CNTNAP2: variants seen among roughly 807,000 people sequenced by gnomAD.
CNTNAP2 encodes contactin associated protein 2.
A neutral mutation model predicts 155.2 loss-of-function variants in CNTNAP2; 98 were observed. That is an observed-to-expected ratio of 0.63 (90% CI 0.54 to 0.75). CNTNAP2 has a LOEUF of 0.75. Among genes scored for constraint, CNTNAP2 ranks in the 30% least tolerant of loss-of-function variants. The pLI is 0.00. For synonymous variants in CNTNAP2, 651 were observed against 631.2 expected, an observed-to-expected ratio of 1.03 and a Z score of -0.47; for missense variants, 1,727 against 1,688.1, an observed-to-expected ratio of 1.02 and a Z score of -0.40.
At chr7:147,180,069 G>T (rs373922239) in intron 8 of CNTNAP2, among the ~76,000 whole-genome samples, 1 of 152,128 alleles carries the variant, frequency 6.6e-6, no homozygotes, top group Admixed American at 6.5e-5. Flanking sequence ...CCAGGAACAG[G>T]CCTGGAGTAG....
intron 21 of CNTNAP2, among the ~76,000 whole-genome samples, chr7:148,370,898 CT>C (rs1192051424): frequency 2.0e-5 from 3 of 152,184 alleles, no homozygotes; most frequent in African/African-American, 7.2e-5. Flanking sequence ...AGAGTCTTCT[CT>C]TCCCCACATT....
intron 9 of CNTNAP2, among the ~76,000 whole-genome samples, chr7:147,313,667 C>T (rs1388983157): frequency 6.6e-6 from 1 of 152,030 alleles, no homozygotes; most frequent in Non-Finnish European, 1.5e-5. Flanking sequence ...TTACTGTAGC[C>T]TTGTAGTATA....
intron 1 of CNTNAP2, among the ~76,000 whole-genome samples, chr7:146,703,623 G>A (rs1800914491): frequency 6.6e-6 from 1 of 152,112 alleles, no homozygotes; most frequent in African/African-American, 2.4e-5. Flanking sequence ...GGGGCCTGGT[G>A]AGGGCTTGTT....
intron 1 of CNTNAP2, among the ~76,000 whole-genome samples, chr7:146,668,671 A>C (rs1800243466): frequency 6.6e-6 from 1 of 152,024 alleles, no homozygotes; most frequent in Non-Finnish European, 1.5e-5. Flanking sequence ...TGATTCAATC[A>C]TGTTACTTAT....
At chr7:147,570,198 G>A (rs543314188) in intron 12 of CNTNAP2, among the ~76,000 whole-genome samples, 33 of 152,062 alleles carry the variant, frequency 2.2e-4, no homozygotes, top group African/African-American at 6.8e-4. Context: ...AAAGAAGCCC[G>A]GTCCCATTAG....
chr7:147,233,638 T>G (rs1043748404), intron 8 of CNTNAP2, among the ~76,000 whole-genome samples: 2 of 151,318 alleles, frequency 1.3e-5, no homozygotes, highest in Non-Finnish European at 2.9e-5. Context: ...CTGGTCACAC[T>G]CTAAAGAAAT....
chr7:147,628,849 C>G (rs1042372995), intron 12 of CNTNAP2, among the ~76,000 whole-genome samples: 1 of 128,958 alleles, frequency 7.8e-6, no homozygotes, highest in African/African-American at 3.0e-5. Context: ...AAAAAACAGA[C>G]TTTAAAGCCA....
chr7:147,081,636 A>G, intron 4 of CNTNAP2: 2 of 145,854 alleles, frequency 1.4e-5, no homozygotes, highest in Non-Finnish European at 3.0e-5. Flanking sequence ...TGTATTTTTA[A>G]TAGAGATGGG....
chr7:148,209,421 C>T (rs1257866145), intron 18 of CNTNAP2, among the ~76,000 whole-genome samples: 1 of 151,648 alleles, frequency 6.6e-6, no homozygotes, highest in African/African-American at 2.4e-5. Context: ...GTGTGAGCCA[C>T]AGCACCCAGC....
At position 146,519,986 on chromosome 7, in the gene CNTNAP2, A is replaced by G. The variant is rs188729220; in HGVS notation, c.98-254285A>G. Among the ~76,000 whole-genome samples, 4 of 151,968 alleles carry G rather than the reference A, an allele frequency of 2.6e-5. No individual in the cohort carries two copies. In the East Asian group the frequency reaches 5.8e-4, roughly 22 times the overall value. The stretch of plus-strand genomic sequence containing the variant: ...ACTAAAATTTATATAAAAATCATAC[A>G]GAATGAATGAATAAAGTATATTAAA... On this transcript the variant is annotated intron_variant, in intron 1 of 23. Coordinates refer to ENST00000361727, the MANE Select transcript of CNTNAP2 (RefSeq NM_014141.6).
intron 14 of CNTNAP2, among the ~76,000 whole-genome samples, chr7:147,911,919 A>G (rs1352568313): frequency 2.0e-5 from 3 of 152,190 alleles, no homozygotes; most frequent in Non-Finnish European, 4.4e-5. Context: ...GCACGGTGGT[A>G]CAATTTCTTT....
Position 148,144,141 on chromosome 7 carries a change from A to G in CNTNAP2, c.2555-3350A>G, listed in dbSNP as rs75636926. 8.3e-3 allele frequency among the ~76,000 whole-genome samples: 1,266 copies of G among 152,340 alleles called. 19 individuals are homozygous for G. The highest frequency in any genetic ancestry group is 0.028 in the African/African-American group (1,178 of 41,576). On this transcript the variant is annotated intron_variant, in intron 16 of 23. Coordinates refer to ENST00000361727, the MANE Select transcript of CNTNAP2 (RefSeq NM_014141.6). ...CTCTTCCACTTTTGCCTGCCTTCTG[A>G]GCAAGAAGCATTGACAGCTTTGTTT...
chr7:147,446,411 G>T (rs1797741014), intron 10 of CNTNAP2, among the ~76,000 whole-genome samples: 1 of 152,160 alleles, frequency 6.6e-6, no homozygotes, highest in Admixed American at 6.5e-5. Flanking sequence ...ACTGAAAGTG[G>T]TTGCTGGTTT....
intron 1 of CNTNAP2, among the ~76,000 whole-genome samples, chr7:146,641,439 T>C (rs975158911): frequency 2.6e-5 from 4 of 152,234 alleles, no homozygotes; most frequent in Admixed American, 1.3e-4. Flanking sequence ...GAACATATTT[T>C]ATGTTAATTA....
intron 17 of CNTNAP2, among the ~76,000 whole-genome samples, chr7:148,150,513 A>G (rs763671498): frequency 1.3e-5 from 2 of 151,840 alleles, no homozygotes; most frequent in Non-Finnish European, 2.9e-5. Context: ...GCGCCACTGT[A>G]CTCCAGCGTG....
intron 1 of CNTNAP2, among the ~76,000 whole-genome samples, chr7:146,486,576 G>T (rs1192596768): frequency 6.6e-6 from 1 of 152,144 alleles, no homozygotes; most frequent in African/African-American, 2.4e-5. Flanking sequence ...AGAAACTCTG[G>T]GTGGATTGGG....
chr7:147,993,630 C>T (rs970194289), intron 15 of CNTNAP2, among the ~76,000 whole-genome samples: 10 of 152,208 alleles, frequency 6.6e-5, no homozygotes, highest in African/African-American at 2.4e-4. Context: ...ATTGATTCCA[C>T]TCTGAACTTT....
intron 18 of CNTNAP2, among the ~76,000 whole-genome samples, chr7:148,212,656 T>A (rs185727010): frequency 6.6e-6 from 1 of 152,320 alleles, no homozygotes; most frequent in Non-Finnish European, 1.5e-5. Context: ...TATTTTGGGC[T>A]TGTTAATTTA....
chr7:146,335,199 G>A (rs937931689), intron 1 of CNTNAP2, among the ~76,000 whole-genome samples: 1 of 152,144 alleles, frequency 6.6e-6, no homozygotes. Context: ...TATATGTTGA[G>A]AGTTTTCATT....
Sources: allele counts gnomAD v4.1 joint callset (sites outside exome capture counted in the v4.1 genomes callset), GRCh38; gene constraint gnomAD v4.1.1; transcripts MANE v1.5; gene names NCBI Gene and HGNC (gene_info 2026-07-23, HGNC 2026-07-21).